HDAC9: variants seen among roughly 807,000 people sequenced by gnomAD.
The protein encoded by HDAC9 is MEF-2 interacting transcription repressor (MITR) protein.
Under a neutral mutation model 139.4 loss-of-function variants are expected in HDAC9, and 41 were observed. The observed-to-expected ratio is 0.29, with a 90% CI of 0.23 to 0.38. The LOEUF (loss-of-function observed/expected upper bound fraction) is 0.38, where lower values mean the gene tolerates loss of function less well. Among genes scored for constraint, HDAC9 ranks in the 10% least tolerant of loss-of-function variants. The probability of loss-of-function intolerance (pLI) is 1.00; values close to 1 mark genes in which losing one functional copy is unlikely to be tolerated. For synonymous variants in HDAC9, 517 were observed against 476.2 expected (o/e 1.09, Z -1.12); for missense variants, 1,147 against 1,297.0 (o/e 0.88, Z 1.78).
At chr7:18,776,274 A>G (rs1466840500) in intron 16 of HDAC9, among the ~76,000 whole-genome samples, 1 of 152,002 alleles carries the variant, frequency 6.6e-6, no homozygotes, top group Non-Finnish European at 1.5e-5. Context: ...GAAGCGCAGT[A>G]TCCAGCATCA....
At chr7:18,313,482 A>T (rs1427879187) in intron 1 of HDAC9, among the ~76,000 whole-genome samples, 1 of 152,186 alleles carries the variant, frequency 6.6e-6, no homozygotes, top group Non-Finnish European at 1.5e-5. Flanking sequence ...CCAAATACTT[A>T]GTTCATTTTC....
intron 12 of HDAC9, among the ~76,000 whole-genome samples, chr7:18,686,998 A>T (rs1253186973): frequency 6.6e-6 from 1 of 151,866 alleles, no homozygotes; most frequent in Non-Finnish European, 1.5e-5. Flanking sequence ...AAATTATTAG[A>T]TAAAAGATGT....
chr7:18,264,978 A>T (rs1268012463), intron 2 of HDAC9, among the ~76,000 whole-genome samples: 1 of 152,126 alleles, frequency 6.6e-6, no homozygotes, highest in Admixed American at 6.6e-5. Flanking sequence ...AGGGAAAACT[A>T]TTTAGTTACT....
At chr7:18,843,595 T>G (rs2129217444) in intron 21 of HDAC9, among the ~76,000 whole-genome samples, 1 of 152,276 alleles carries the variant, frequency 6.6e-6, no homozygotes, top group African/African-American at 2.4e-5. Flanking sequence ...TAAAAGTTAC[T>G]TATCCTTTAC....
rs1338152051 is a variant in HDAC9 at position 18,690,758 on chromosome 7, A to G, written c.1731+24282A>G. ...GAATAAAGACAGGACAAAGTAACCA[A>G]TTTTGCAAACAAGACGTACGGCATG... On this transcript the variant is annotated intron_variant, in intron 12 of 25. Transcript: ENST00000686413. Among the ~76,000 whole-genome samples, 3 of 151,986 alleles carry G rather than the reference A, an allele frequency of 2.0e-5. No homozygotes were observed. In the East Asian group the frequency reaches 5.8e-4, roughly 29 times the overall value.
At chr7:18,683,640 G>A (rs893357899) in intron 12 of HDAC9, among the ~76,000 whole-genome samples, 1 of 152,056 alleles carries the variant, frequency 6.6e-6, no homozygotes, top group African/African-American at 2.4e-5. Flanking sequence ...TATGATAATG[G>A]ACAAAATTTA....
intron 2 of HDAC9, among the ~76,000 whole-genome samples, chr7:18,261,350 C>T (rs1054605857): frequency 6.6e-6 from 1 of 152,080 alleles, no homozygotes; most frequent in Non-Finnish European, 1.5e-5. Context: ...TTGTTTCTGA[C>T]TTAGCAGAAT....
At chr7:18,440,695 C>A (rs1791675739) in intron 1 of HDAC9, among the ~76,000 whole-genome samples, 1 of 151,988 alleles carries the variant, frequency 6.6e-6, no homozygotes, top group Admixed American at 6.6e-5. Flanking sequence ...TTAACTCTTT[C>A]TTCTAAAATA....
intron 21 of HDAC9, among the ~76,000 whole-genome samples, chr7:18,860,338 A>G (rs1488439139): frequency 1.3e-5 from 2 of 152,148 alleles, no homozygotes; most frequent in Non-Finnish European, 2.9e-5. Flanking sequence ...GTAAGTTTTA[A>G]GAACATTTTA....
intron 2 of HDAC9, among the ~76,000 whole-genome samples, chr7:18,223,792 T>C (rs1016627023): frequency 2.0e-5 from 3 of 152,170 alleles, no homozygotes; most frequent in African/African-American, 7.2e-5. Context: ...TAAAACATTC[T>C]TTATTCTGAT....
At chr7:18,536,363 A>G (rs1810906001) in intron 2 of HDAC9, among the ~76,000 whole-genome samples, 1 of 152,154 alleles carries the variant, frequency 6.6e-6, no homozygotes, top group Admixed American at 6.5e-5. Context: ...TCCCACCTAA[A>G]CCACAAATTT....
rs375280657 is a variant in HDAC9, at chr7:18,815,208, A to AT, written c.2323-13943dup. ...AACAAATCTTCTTCTTCCCTAATTT[A>AT]TTTTTTTTTTGAAGTTTTGCATACT... On this transcript the variant is annotated intron_variant, in intron 17 of 25. Transcript: ENST00000686413. Among the ~76,000 whole-genome samples, 1,164 of 149,768 alleles carry AT rather than the reference A, an allele frequency of 7.8e-3. 12 individuals are homozygous for AT. Among genetic ancestry groups the AT allele is most frequent in the East Asian group, 0.053 (273 of 5,126 alleles).
chr7:18,534,324 G>T (rs896354259), intron 2 of HDAC9, among the ~76,000 whole-genome samples: 4 of 152,192 alleles, frequency 2.6e-5, no homozygotes, highest in Non-Finnish European at 2.9e-5. Flanking sequence ...GGAGGCTGAG[G>T]CAGGAGGGCT....
intron 23 of HDAC9, among the ~76,000 whole-genome samples, chr7:18,939,859 A>G (rs550207816): frequency 2.6e-5 from 4 of 152,340 alleles, no homozygotes; most frequent in African/African-American, 9.6e-5. Context: ...GCTTGAACTT[A>G]AAACATTGGC....
chr7:18,578,634 C>A (rs1023413367), intron 2 of HDAC9, among the ~76,000 whole-genome samples: 1 of 152,136 alleles, frequency 6.6e-6, no homozygotes, highest in Admixed American at 6.5e-5. Flanking sequence ...AAGAACATAA[C>A]CAATAGTAAA....
chr7:18,516,484 G>C (rs1250908549), intron 2 of HDAC9, among the ~76,000 whole-genome samples: 1 of 152,082 alleles, frequency 6.6e-6, no homozygotes, highest in Non-Finnish European at 1.5e-5. Context: ...AACAGGGAAA[G>C]GACAACTCAA....
At chr7:18,356,724 C>A (rs1454764241) in intron 1 of HDAC9, among the ~76,000 whole-genome samples, 1 of 151,556 alleles carries the variant, frequency 6.6e-6, no homozygotes, top group African/African-American at 2.4e-5. Flanking sequence ...GGTTGATGCC[C>A]AGGAGATTGT....
At chr7:18,638,097 G>A (rs532609132) in intron 8 of HDAC9, among the ~76,000 whole-genome samples, 4 of 152,008 alleles carry the variant, frequency 2.6e-5, no homozygotes, top group Admixed American at 6.6e-5. Context: ...ATACTTTACC[G>A]TTTACAAAAT....
chr7:18,538,228 A>G (rs1163516927), intron 2 of HDAC9, among the ~76,000 whole-genome samples: 1 of 152,050 alleles, frequency 6.6e-6, no homozygotes, highest in Non-Finnish European at 1.5e-5. Flanking sequence ...AGACTTGATG[A>G]TGTTTATCTG....
Sources: gnomAD v4.1 joint callset for allele counts (sites outside exome capture counted in the v4.1 genomes callset) on GRCh38, gnomAD v4.1.1 for gene constraint, MANE v1.5 for transcripts, NCBI Gene and HGNC (gene_info 2026-07-23, HGNC 2026-07-21) for gene names.